The following ZYG11B variants were observed in gnomAD, a reference collection of about 807,000 sequenced individuals.
The protein encoded by ZYG11B is zyg-11 family member B, cell cycle regulator, also known as protein zyg-11 homolog B.
In ZYG11B, 36 loss-of-function variants were observed where a neutral mutation model predicts 82.4. That is an observed-to-expected ratio of 0.44 (90% CI 0.33 to 0.58). The LOEUF is 0.58. Ranked by LOEUF, ZYG11B falls within the 20% of genes least tolerant of loss-of-function variation. The pLI is 0.02. For synonymous variants in ZYG11B, 303 were observed against 312.8 expected (o/e 0.97, Z 0.33); for missense variants, 552 against 895.6 (o/e 0.62, Z 4.90).
chr1:52,752,569 G>A (rs74991753), intron 1 of ZYG11B, among the ~76,000 whole-genome samples: 351 of 152,292 alleles, frequency 2.3e-3, no homozygotes, highest in African/African-American at 5.2e-3. Context: ...AGTCATATTA[G>A]CAGATTATCA....
chr1:52,758,281 C>T (rs1454281303), intron 2 of ZYG11B, among the ~76,000 whole-genome samples: 2 of 151,566 alleles, frequency 1.3e-5, no homozygotes, highest in Non-Finnish European at 2.9e-5. Flanking sequence ...TTGTCCACAG[C>T]TATAGAATAG....
chr1:52,755,957 G>T (rs1312729376), intron 1 of ZYG11B, among the ~76,000 whole-genome samples: 1 of 151,394 alleles, frequency 6.6e-6, no homozygotes, highest in Non-Finnish European at 1.5e-5. Flanking sequence ...CCACCACCAT[G>T]CCTAGCTAAT....
chr1:52,814,319 C>T (rs571007658), intron 12 of ZYG11B, among the ~76,000 whole-genome samples: 2 of 152,224 alleles, frequency 1.3e-5, no homozygotes, highest in African/African-American at 4.8e-5. Flanking sequence ...CCACACCCAG[C>T]CAAAAGTATT....
At chr1:52,738,567 T>C (rs1297743589) in intron 1 of ZYG11B, among the ~76,000 whole-genome samples, 1 of 152,130 alleles carries the variant, frequency 6.6e-6, no homozygotes, top group Non-Finnish European at 1.5e-5. Context: ...TTCCAGTGTC[T>C]TAATGCCTAT....
intron 8 of ZYG11B, among the ~76,000 whole-genome samples, chr1:52,800,342 A>T (rs1172014089): frequency 6.6e-6 from 1 of 152,004 alleles, no homozygotes; most frequent in Non-Finnish European, 1.5e-5. Context: ...TAAATATAAT[A>T]TACATTAGAT....
At position 52,803,229 on chromosome 1, in the gene ZYG11B, C is replaced by CAT. The variant is rs200187664; in HGVS notation, c.1695+1100_1695+1101dup. On this transcript the variant is annotated intron_variant, in intron 10 of 13. Transcript: ENST00000294353. ...ACACACACATATATATATATACACA[C>CAT]ATATATATATACACACACACATATA... Among the ~76,000 whole-genome samples, 143 of 65,152 alleles carry CAT rather than the reference C, an allele frequency of 2.2e-3. 25 individuals carry two copies. Among genetic ancestry groups the CAT allele is most frequent in the East Asian group, 0.014 (6 of 434 alleles). 42.7% of individuals were successfully genotyped at this position (65,152 alleles called of 152,430 possible). A position where few individuals can be genotyped will look rare whatever the true frequency, so the allele number is the denominator to read the frequency against.
intron 1 of ZYG11B, among the ~76,000 whole-genome samples, chr1:52,739,963 A>C (rs561855780): frequency 1.3e-5 from 2 of 152,126 alleles, no homozygotes; most frequent in Non-Finnish European, 2.9e-5. Context: ...ATTTTGTGGG[A>C]TAGTCAAGAG....
chr1:52,768,091 T>C (rs1316967840), intron 2 of ZYG11B, among the ~76,000 whole-genome samples: 4 of 152,146 alleles, frequency 2.6e-5, no homozygotes, highest in African/African-American at 9.7e-5. Flanking sequence ...TTTGCTGGCA[T>C]GGGTGGAGCT....
chr1:52,748,482 A>T (rs1485628496), intron 1 of ZYG11B, among the ~76,000 whole-genome samples: 1 of 152,258 alleles, frequency 6.6e-6, no homozygotes, highest in Non-Finnish European at 1.5e-5. Flanking sequence ...TAATGGTACA[A>T]TTTAATTTTT....
intron 2 of ZYG11B, among the ~76,000 whole-genome samples, chr1:52,770,088 A>ATTTT (rs1479332225): frequency 3.9e-5 from 3 of 76,934 alleles, no homozygotes; most frequent in Non-Finnish European, 5.9e-5. Flanking sequence ...ATATATATAT[A>ATTTT]TATATTTTTT....
At position 52,827,027 on chromosome 1, in the gene ZYG11B, T is replaced by C. The variant is rs1645330814; in HGVS notation, c.*5398T>C. 1 of 152,216 alleles carries C rather than the reference T, an allele frequency of 6.6e-6. No individual in the cohort carries two copies. Among genetic ancestry groups the C allele is most frequent in the Non-Finnish European group, 1.5e-5 (1 of 68,034 alleles). The allele number at this position is 152,216 out of a possible 1,614,324, so 9.4% of individuals were successfully genotyped here. A position where few individuals can be genotyped will look rare whatever the true frequency, so the allele number is the denominator to read the frequency against. On this transcript the variant is annotated 3_prime_UTR_variant, in exon 14 of 14. Coordinates refer to ENST00000294353, the MANE Select transcript of ZYG11B (RefSeq NM_024646.3). The stretch of plus-strand genomic sequence containing the variant: ...ACAAAAATTAAGAAATCCCTGACTT[T>C]TGTAGAATTCCCACTGTCAAATTCT...
At chr1:52,817,777 G>GTGTGTGTATATATATA (rs1352242565) in intron 13 of ZYG11B, among the ~76,000 whole-genome samples, 1 of 41,538 alleles carries the variant, frequency 2.4e-5, no homozygotes, top group African/African-American at 1.2e-4. Flanking sequence ...ATATATATGT[G>GTGTGTGTATATATATA]TATATATATA....
intron 8 of ZYG11B, 31 bp from the exon 9 acceptor site, chr1:52,801,788 G>A: frequency 6.5e-7 from 1 of 1,547,250 alleles, no homozygotes; most frequent in East Asian, 2.3e-5. Context: ...GTTCAAAAGT[G>A]AAAACTTATT....
intron 1 of ZYG11B, among the ~76,000 whole-genome samples, 174 bp from the exon 2 acceptor site, chr1:52,756,284 T>C (rs942450221): frequency 2.6e-5 from 4 of 152,204 alleles, no homozygotes; most frequent in Non-Finnish European, 5.9e-5. Context: ...CTTCTATTGC[T>C]TCTTGAGAAC....
At position 52,801,999 on chromosome 1, in the gene ZYG11B, C is replaced by G; in HGVS notation, c.1647+19C>G. On this transcript the variant is annotated intron_variant, in intron 9 of 13. Transcript: ENST00000294353. The stretch of plus-strand genomic sequence containing the variant: ...TCTAGAGGTTAGAATGGGAATTTAG[C>G]TTACAGTTTTGATATTTATTAATTT... 3 of 1,592,300 alleles carry G rather than the reference C, an allele frequency of 1.9e-6. No individual in the cohort carries two copies. Among genetic ancestry groups the G allele is most frequent in the East Asian group, 2.2e-5 (1 of 44,702 alleles).
At chr1:52,743,151 T>G (rs1644447649) in intron 1 of ZYG11B, among the ~76,000 whole-genome samples, 1 of 151,868 alleles carries the variant, frequency 6.6e-6, no homozygotes, top group Non-Finnish European at 1.5e-5. Flanking sequence ...GAAATCAGAT[T>G]GTTGCTGTGT....
intron 8 of ZYG11B, among the ~76,000 whole-genome samples, chr1:52,799,831 AAG>A (rs1297945087): frequency 1.3e-5 from 2 of 151,988 alleles, no homozygotes; most frequent in Non-Finnish European, 2.9e-5. Context: ...TAATGTTATA[AAG>A]AGAGAGAAGG....
At chr1:52,791,470 G>A (rs544451173) in intron 6 of ZYG11B, among the ~76,000 whole-genome samples, 1 of 152,128 alleles carries the variant, frequency 6.6e-6, no homozygotes, top group South Asian at 2.1e-4. Flanking sequence ...CTGGGTTCAA[G>A]CAATTCTCCT....
At chr1:52,759,592 C>T (rs1243400067) in intron 2 of ZYG11B, among the ~76,000 whole-genome samples, 2 of 152,108 alleles carry the variant, frequency 1.3e-5, no homozygotes, top group Non-Finnish European at 2.9e-5. Context: ...TTGTGTTACC[C>T]TAGTGTGATT....
Sources: allele counts gnomAD v4.1 joint callset (sites outside exome capture counted in the v4.1 genomes callset), GRCh38; gene constraint gnomAD v4.1.1; transcripts MANE v1.5; gene names NCBI Gene and HGNC (gene_info 2026-07-23, HGNC 2026-07-21).